The following DRC9 variants were observed in gnomAD, a reference collection of about 807,000 sequenced individuals.
DRC9 encodes dynein regulatory complex subunit 9, also known as dynein regulatory complex protein 9.
the DRC9 span, among the ~76,000 whole-genome samples, chr3:197,930,235 G>A: frequency 2.6e-5 from 4 of 151,632 alleles, no homozygotes; most frequent in Admixed American, 6.6e-5. Context: ...GGTCCCCAGC[G>A]ACTTGAGGGG....
chr3:197,889,575 C>G, the DRC9 span: 5 of 1,614,196 alleles, frequency 3.1e-6, no homozygotes, highest in East Asian at 1.1e-4. Flanking sequence ...CAAAAGAGAA[C>G]TTGGTCACTT....
the DRC9 span, among the ~76,000 whole-genome samples, chr3:197,915,163 C>CAAAAAAAAAAA: frequency 2.2e-4 from 16 of 71,162 alleles, no homozygotes; most frequent in Non-Finnish European, 3.0e-4. Flanking sequence ...GATTCTGTCT[C>CAAAAAAAAAAA]AAAAAAAAAA....
the DRC9 span, chr3:197,943,616 G>T: frequency 1.5e-6 from 1 of 667,508 alleles, no homozygotes; most frequent in Non-Finnish European, 2.5e-6. Context: ...TCCAGCTTAG[G>T]CCACAGAGCG....
the DRC9 span, among the ~76,000 whole-genome samples, chr3:197,945,880 A>G: frequency 0.25 from 37,364 of 152,148 alleles, 7,283 homozygotes; most frequent in African/African-American, 0.55. Flanking sequence ...TGAAGAAGTC[A>G]ACTGAGTTAT....
chr3:197,946,259 C>T, the DRC9 span, among the ~76,000 whole-genome samples: 1 of 151,968 alleles, frequency 6.6e-6, no homozygotes, highest in Admixed American at 6.5e-5. Flanking sequence ...CACGGTGAAA[C>T]CCCGTCTCTA....
At chr3:197,898,731 A>G in the DRC9 span, among the ~76,000 whole-genome samples, 3 of 152,220 alleles carry the variant, frequency 2.0e-5, no homozygotes, top group Admixed American at 1.3e-4. Flanking sequence ...CTCACTCACT[A>G]TCACGAGAAC....
the DRC9 span, among the ~76,000 whole-genome samples, chr3:197,901,888 T>C: frequency 3.1e-3 from 476 of 152,158 alleles, 5 homozygotes; most frequent in African/African-American, 0.011. The surrounding 1 kb of genome is among the most constrained non-coding windows in gnomAD (Gnocchi z 4.4). Flanking sequence ...TGAACATAGG[T>C]GGTAGCCAGG....
the DRC9 span, chr3:197,953,525 G>A: frequency 2.4e-5 from 11 of 456,766 alleles, no homozygotes; most frequent in Non-Finnish European, 4.4e-5. Flanking sequence ...TCTTTCTTCC[G>A]GCCAGGACAC....
the DRC9 span, among the ~76,000 whole-genome samples, chr3:197,941,885 C>T: frequency 6.6e-6 from 1 of 152,110 alleles, no homozygotes; most frequent in Non-Finnish European, 1.5e-5. Flanking sequence ...ATACACCAGT[C>T]TCTTCTGTAC....
At chr3:197,917,428 G>T in the DRC9 span, among the ~76,000 whole-genome samples, 21 of 152,192 alleles carry the variant, frequency 1.4e-4, no homozygotes, top group Non-Finnish European at 5.9e-5. Context: ...ATTCCAACTA[G>T]ATCGGAATCA....
At chr3:197,951,027 G>A in the DRC9 span, 1 of 1,603,686 alleles carries the variant, frequency 6.2e-7, no homozygotes, top group Non-Finnish European at 8.5e-7. Flanking sequence ...AGACGTGAAC[G>A]TAAATGCGAG....
the DRC9 span, among the ~76,000 whole-genome samples, chr3:197,939,881 C>T: frequency 6.6e-6 from 1 of 151,998 alleles, no homozygotes; most frequent in Non-Finnish European, 1.5e-5. Context: ...TATACTTGGA[C>T]ATCTGGAAAA....
the DRC9 span, among the ~76,000 whole-genome samples, chr3:197,936,557 T>G: frequency 6.6e-6 from 1 of 152,206 alleles, no homozygotes; most frequent in Non-Finnish European, 1.5e-5. Flanking sequence ...AGAGATGAGA[T>G]TTCACTATGT....
At chr3:197,946,984 T>C in the DRC9 span, among the ~76,000 whole-genome samples, 1 of 152,096 alleles carries the variant, frequency 6.6e-6, no homozygotes, top group Non-Finnish European at 1.5e-5. Flanking sequence ...CACCATTTTG[T>C]ATTTTTAGTA....
the DRC9 span, among the ~76,000 whole-genome samples, chr3:197,951,839 A>G: frequency 6.6e-6 from 1 of 151,908 alleles, no homozygotes; most frequent in Non-Finnish European, 1.5e-5. Context: ...CTGGGCTTAC[A>G]GGGGTGTGCC....
the DRC9 span, chr3:197,959,170 G>A: frequency 1.9e-4 from 29 of 152,102 alleles, no homozygotes; most frequent in African/African-American, 6.5e-4. Flanking sequence ...TTGTGTCACT[G>A]CACTCCAGCC....
chr3:197,891,513 C>T, the DRC9 span: 23 of 1,602,088 alleles, frequency 1.4e-5, 1 homozygote, highest in South Asian at 1.2e-4. Context: ...CTTTTCTATA[C>T]GATCTTCAAT....
chr3:197,954,462 T>A, the DRC9 span: 3 of 411,570 alleles, frequency 7.3e-6, no homozygotes, highest in Non-Finnish European at 1.4e-5. Context: ...GCCCCCCAAG[T>A]AGCTGGGACC....
chr3:197,954,453 C>G, the DRC9 span: 1 of 421,400 alleles, frequency 2.4e-6, no homozygotes, highest in Non-Finnish European at 4.4e-6. Context: ...TCCACCTCAG[C>G]CCCCCAAGTA....
Sources: gnomAD v4.1 joint callset for allele counts (sites outside exome capture counted in the v4.1 genomes callset) on GRCh38, gnomAD v4.1.1 for gene constraint, Gnocchi (gnomAD v3.1) non-coding constraint, MANE v1.5 for transcripts, NCBI Gene and HGNC (gene_info 2026-07-23, HGNC 2026-07-21) for gene names.